TM9SF2: variants seen among roughly 807,000 people sequenced by gnomAD.
TM9SF2 encodes the protein transmembrane 9 superfamily member 2.
Under a neutral mutation model 84.9 loss-of-function variants are expected in TM9SF2, and 13 were observed. The observed-to-expected ratio is 0.15, with a 90% confidence interval of 0.10 to 0.24. TM9SF2 has a LOEUF of 0.24. Among genes scored for constraint, TM9SF2 ranks in the 10% least tolerant of loss-of-function variants. TM9SF2 has a pLI of 1.00. For synonymous variants in TM9SF2, 273 were observed against 285.8 expected (o/e 0.96, Z 0.45); for missense variants, 562 against 818.5 (o/e 0.69, Z 3.82).
At chr13:99,536,920 G>A (rs533642212) in intron 5 of TM9SF2, among the ~76,000 whole-genome samples, 183 bp downstream of exon 5, 1 of 152,214 alleles carries the variant, frequency 6.6e-6, no homozygotes, top group Admixed American at 6.5e-5. Flanking sequence ...GTTTAGAATT[G>A]GAATAATTCA....
intron 1 of TM9SF2, among the ~76,000 whole-genome samples, chr13:99,506,680 A>G (rs2046089932): frequency 6.6e-6 from 1 of 152,200 alleles, no homozygotes; most frequent in South Asian, 2.1e-4. Context: ...AAGTGGGTGT[A>G]AACTTGAACT....
intron 16 of TM9SF2, among the ~76,000 whole-genome samples, chr13:99,562,156 G>C: frequency 6.6e-6 from 1 of 152,130 alleles, no homozygotes; most frequent in East Asian, 1.9e-4. Context: ...CTACCATGCT[G>C]TCCCTCATTT....
Position 99,552,230 on chromosome 13 carries a change from T to C in TM9SF2, c.1392T>C (p.Ala464=), listed in dbSNP as rs138380577. ...TCTGGGGAGAAGGATCTTCAGCAGC[T>C]ATTCCTTTTGGGACACTGGTTGCCA... ...LILWGEGSSA[A]IPFGTLVAIL... is the part of the protein sequence containing the mutation. The change falls in exon 13 of 17, where the codon GCT becomes GCC. Residue 464 remains alanine (A), a synonymous_variant. Coordinates refer to ENST00000376387, the MANE Select transcript of TM9SF2 (RefSeq NM_004800.3). 3.0e-4 allele frequency: 481 copies of C among 1,614,080 alleles called. No individual in the cohort carries two copies. The highest frequency in any genetic ancestry group is 3.8e-4 in the Non-Finnish European group (446 of 1,180,008).
At chr13:99,514,494 C>T (rs999895099) in intron 1 of TM9SF2, among the ~76,000 whole-genome samples, 2 of 152,196 alleles carry the variant, frequency 1.3e-5, no homozygotes, top group African/African-American at 4.8e-5. Flanking sequence ...TATATACCCC[C>T]AGGTGTGTAG....
chr13:99,502,383 G>A (rs1472585640), intron 1 of TM9SF2, among the ~76,000 whole-genome samples: 2 of 152,198 alleles, frequency 1.3e-5, no homozygotes, highest in African/African-American at 4.8e-5. Context: ...CACACAAAGT[G>A]CATTAATAAA....
intron 3 of TM9SF2, among the ~76,000 whole-genome samples, chr13:99,527,857 C>A (rs953891984): frequency 6.6e-6 from 1 of 152,226 alleles, no homozygotes; most frequent in Admixed American, 6.5e-5. Flanking sequence ...AAGGCAGTTA[C>A]TGCGCCCATT....
At position 99,538,001 on chromosome 13, in the gene TM9SF2, G is replaced by C. The variant is rs143644179; in HGVS notation, c.716+138G>C. ...ACTAAAACTCCCTTTGGCATGATTT[G>C]TTATTGTTATGGGTTGTCCAGAAAA... On this transcript the variant is annotated intron_variant, in intron 6 of 16. Coordinates refer to ENST00000376387, the MANE Select transcript of TM9SF2 (RefSeq NM_004800.3). 2.9e-5 allele frequency: 36 copies of C among 1,246,624 alleles called. 1 individual carries two copies. The East Asian group carries it at 9.2e-4, about 32-fold the overall frequency. The allele number at this position is 1,246,624 out of a possible 1,614,324, so 77.2% of individuals were successfully genotyped here. A position where few individuals can be genotyped will look rare whatever the true frequency, so the allele number is the denominator to read the frequency against.
chr13:99,532,376 TCTA>T (rs1471908352), intron 4 of TM9SF2, among the ~76,000 whole-genome samples: 1 of 152,038 alleles, frequency 6.6e-6, no homozygotes, highest in East Asian at 1.9e-4. Flanking sequence ...AGCTCTTTCT[TCTA>T]CCCTCTGTGC....
chr13:99,534,881 G>A (rs2046227114), intron 4 of TM9SF2, among the ~76,000 whole-genome samples: 1 of 152,168 alleles, frequency 6.6e-6, no homozygotes, highest in African/African-American at 2.4e-5. Flanking sequence ...CAGGCGTGGT[G>A]GCTCACACCT....
In TM9SF2 at chr13:99,537,659, T is replaced by C. The variant is rs566149371; in HGVS notation, c.592-80T>C. ...TTCAAACTTAAATTTTCTTACTTGT[T>C]GTAGCCCATTTTAAAGTTTTAAGTT... is the stretch of plus-strand genomic sequence containing the variant. On this transcript the variant is annotated intron_variant, in intron 5 of 16. Transcript: ENST00000376387. 3.6e-4 allele frequency: 419 copies of C among 1,151,938 alleles called. 5 individuals carry two copies. The South Asian group carries it at 6.4e-3, about 17-fold the overall frequency. 71.4% of individuals were successfully genotyped at this position (1,151,938 alleles called of 1,614,324 possible).
At chr13:99,526,748 A>G (rs538222822) in intron 3 of TM9SF2, among the ~76,000 whole-genome samples, 1 of 152,300 alleles carries the variant, frequency 6.6e-6, no homozygotes, top group Admixed American at 6.5e-5. Flanking sequence ...GATCGTTGAT[A>G]TAGATGTAAT....
At chr13:99,510,184 G>T (rs1184133358) in intron 1 of TM9SF2, among the ~76,000 whole-genome samples, 2 of 152,158 alleles carry the variant, frequency 1.3e-5, no homozygotes, top group East Asian at 1.9e-4. Context: ...GACCTCAGCA[G>T]CCTGACTTTA....
intron 16 of TM9SF2, among the ~76,000 whole-genome samples, chr13:99,560,827 G>C (rs1367802816): frequency 6.6e-6 from 1 of 151,928 alleles, no homozygotes; most frequent in Middle Eastern, 3.4e-3. Context: ...GACTACAGGC[G>C]CCCGCCACTG....
chr13:99,553,652 A>G (rs2046314515), intron 13 of TM9SF2, among the ~76,000 whole-genome samples: 1 of 152,204 alleles, frequency 6.6e-6, no homozygotes, highest in Non-Finnish European at 1.5e-5. Flanking sequence ...CTATAGAAGG[A>G]TATTTTTGAA....
At chr13:99,517,984 A>T (rs901328039) in intron 2 of TM9SF2, among the ~76,000 whole-genome samples, 2 of 152,244 alleles carry the variant, frequency 1.3e-5, no homozygotes, top group Admixed American at 6.5e-5. Flanking sequence ...TATGTCCCAC[A>T]TAATCAGTTC....
intron 3 of TM9SF2, among the ~76,000 whole-genome samples, chr13:99,523,558 AAAC>A (rs1218518301): frequency 2.0e-5 from 3 of 152,272 alleles, no homozygotes; most frequent in African/African-American, 7.2e-5. Flanking sequence ...TAGGTCAGGA[AAAC>A]AACAGTGCAA....
chr13:99,536,950 T>C (rs891417392), intron 5 of TM9SF2, among the ~76,000 whole-genome samples: 35 of 152,314 alleles, frequency 2.3e-4, no homozygotes, highest in African/African-American at 7.7e-4. Context: ...CAACATTTAC[T>C]GAGATTGTCT....
intron 3 of TM9SF2, among the ~76,000 whole-genome samples, chr13:99,527,956 A>G (rs2139086564): frequency 6.6e-6 from 1 of 152,174 alleles, no homozygotes; most frequent in Middle Eastern, 3.4e-3. Context: ...CCCAGGTCTG[A>G]CTCTAGATTG....
intron 1 of TM9SF2, among the ~76,000 whole-genome samples, chr13:99,512,528 A>T (rs2046117778): frequency 6.6e-6 from 1 of 152,180 alleles, no homozygotes; most frequent in Admixed American, 6.5e-5. Flanking sequence ...TGTAGATAAG[A>T]AAATGAGGGA....
Sources: gnomAD v4.1 joint callset for allele counts (sites outside exome capture counted in the v4.1 genomes callset) on GRCh38, gnomAD v4.1.1 for gene constraint, MANE v1.5 for transcripts, NCBI Gene and HGNC (gene_info 2026-07-23, HGNC 2026-07-21) for gene names.